The following FREM3 variants were observed in gnomAD, a reference collection of about 807,000 sequenced individuals.
FREM3 encodes FRAS1-related extracellular matrix protein 3.
Under a neutral mutation model 129.1 loss-of-function variants are expected in FREM3, and 105 were observed. The observed-to-expected ratio is 0.81, with a 90% CI of 0.69 to 0.96. The LOEUF is 0.96. FREM3 is among the 40% of genes least tolerant of loss of function. The pLI is 0.00. For synonymous variants in FREM3, 1,014 were observed against 1,044.9 expected (o/e 0.97, Z 0.57); for missense variants, 2,593 against 2,666.3 (o/e 0.97, Z 0.61).
At chr4:143,640,748 G>A (rs1739308879) in intron 2 of FREM3, among the ~76,000 whole-genome samples, 1 of 151,958 alleles carries the variant, frequency 6.6e-6, no homozygotes, top group African/African-American at 2.4e-5. Context: ...CTATAGTCAG[G>A]CTTTTAGATT....
At chr4:143,694,563 A>G (rs1740531340) in intron 1 of FREM3, among the ~76,000 whole-genome samples, 1 of 152,296 alleles carries the variant, frequency 6.6e-6, no homozygotes, top group Non-Finnish European at 1.5e-5. Context: ...AGAACCACAT[A>G]TGATTTTATT....
chr4:143,587,435 T>C (rs13130123), intron 6 of FREM3, among the ~76,000 whole-genome samples: 40,497 of 152,066 alleles, frequency 0.27, 6,880 homozygotes, highest in East Asian at 0.78. Context: ...GGTGGTAGGG[T>C]CATTCTTTCT....
chr4:143,601,408 C>T (rs1187108661), intron 6 of FREM3, among the ~76,000 whole-genome samples: 2 of 152,146 alleles, frequency 1.3e-5, no homozygotes, highest in East Asian at 3.9e-4. Flanking sequence ...ATCCTACTGC[C>T]TCAGGACAAA....
chr4:143,674,663 C>G (rs1444573098), intron 2 of FREM3, among the ~76,000 whole-genome samples: 1 of 152,168 alleles, frequency 6.6e-6, no homozygotes, highest in African/African-American at 2.4e-5. Context: ...TGTGCAGAGA[C>G]ACACATAGAC....
chr4:143,685,032 G>T (rs868272723), intron 2 of FREM3, among the ~76,000 whole-genome samples: 1 of 152,010 alleles, frequency 6.6e-6, no homozygotes, highest in African/African-American at 2.4e-5. Flanking sequence ...AAGAATAATC[G>T]GTGTTTCTTA....
At chr4:143,630,661 AT>A (rs1282323497) in intron 2 of FREM3, among the ~76,000 whole-genome samples, 1 of 152,166 alleles carries the variant, frequency 6.6e-6, no homozygotes, top group Non-Finnish European at 1.5e-5. Flanking sequence ...TAGGCACCAT[AT>A]CAATTCACTT....
At chr4:143,628,482 A>C (rs1739084453) in intron 2 of FREM3, among the ~76,000 whole-genome samples, 1 of 152,160 alleles carries the variant, frequency 6.6e-6, no homozygotes, top group Admixed American at 6.5e-5. Context: ...ATCACCCGTG[A>C]AAAGATGTTG....
At position 143,697,776 on chromosome 4, in the gene FREM3, A is replaced by G. The variant is rs775012946; in HGVS notation, c.2900T>C (p.Ile967Thr). The G allele has an allele frequency of 1.3e-5, 20 of 1,537,480 alleles. No homozygotes were observed. In the African/African-American group the frequency reaches 2.6e-4, roughly 20 times the overall value. ...IDVLENKATE[I>T]TMGVIHGKRK... ...TTTGCCATGGATGACACCCATGGTA[A>G]TTTCAGTGGCTTTATTCTCTAGTAC... Residue 967 changes from isoleucine to threonine, a missense_variant, in exon 1 of 8, where the codon ATT becomes ACT. By Grantham distance (89) the Ile-to-Thr change is moderately conservative (BLOSUM62 -1). Coordinates refer to ENST00000329798, the MANE Select transcript of FREM3 (RefSeq NM_001168235.2).
At chr4:143,662,262 G>A (rs1236758421) in intron 2 of FREM3, among the ~76,000 whole-genome samples, 1 of 152,146 alleles carries the variant, frequency 6.6e-6, no homozygotes. Flanking sequence ...TGCTTTGAAT[G>A]TGTCCCAGAG....
rs1738056207 is a variant in FREM3 at position 143,577,326 on chromosome 4, A to C, written c.*285T>G. The C allele has an allele frequency of 4.3e-6, 2 of 465,218 alleles. No homozygotes were observed. Among genetic ancestry groups the C allele is most frequent in the East Asian group, 6.3e-5 (2 of 31,538 alleles). 28.8% of individuals were successfully genotyped at this position (465,218 alleles called of 1,614,324 possible). A position where few individuals can be genotyped will look rare whatever the true frequency, so the allele number is the denominator to read the frequency against. ...ATTCTTTGATCTTAACTTTTGATTT[A>C]ATTGATCACAGTGGATTTCTTACTT... On this transcript the variant is annotated 3_prime_UTR_variant, in exon 8 of 8. Transcript: ENST00000329798.
Position 143,698,367 on chromosome 4 carries a change from G to A in FREM3, c.2309C>T (p.Thr770Ile), listed in dbSNP as rs1249984431. 3 of 1,537,942 alleles carry A rather than the reference G, an allele frequency of 2.0e-6. No homozygotes were observed. The highest frequency in any genetic ancestry group is 2.0e-5 in the Admixed American group (1 of 51,006). ...GEIVLTDSPD[T>I]LIMHFTQAQV... ...GGCTTGGGTAAAGTGCATGATGAGTGTGTCTGGTGAATCAGTGAGCACAAT... is the reference window on the plus strand; with the variant it reads ...GGCTTGGGTAAAGTGCATGATGAGTATGTCTGGTGAATCAGTGAGCACAAT... Residue 770 changes from threonine to isoleucine, a missense_variant, in exon 1 of 8, where the codon ACA (threonine) becomes ATA (isoleucine). Coordinates refer to ENST00000329798, the MANE Select transcript of FREM3 (RefSeq NM_001168235.2).
intron 7 of FREM3, 91 bp from the exon 8 acceptor site, chr4:143,577,943 G>T: frequency 7.5e-7 from 1 of 1,332,774 alleles, no homozygotes; most frequent in Non-Finnish European, 1.0e-6. Flanking sequence ...CAACTCTGCG[G>T]CATTCACCTT....
At chr4:143,668,410 AAAC>A (rs752095523) in intron 2 of FREM3, among the ~76,000 whole-genome samples, 1 of 152,238 alleles carries the variant, frequency 6.6e-6, no homozygotes, top group Non-Finnish European at 1.5e-5. Context: ...TCACTTTCTC[AAAC>A]AACTGCCAAA....
At chr4:143,640,392 C>T (rs1251725218) in intron 2 of FREM3, among the ~76,000 whole-genome samples, 2 of 152,170 alleles carry the variant, frequency 1.3e-5, no homozygotes, top group Non-Finnish European at 2.9e-5. Flanking sequence ...AATAATTCAA[C>T]CCATGTATAG....
At position 143,695,607 on chromosome 4, in the gene FREM3, G is replaced by T; in HGVS notation, c.5069C>A (p.Ala1690Glu). 5.2e-6 allele frequency: 8 copies of T among 1,537,296 alleles called. No individual in the cohort carries two copies. Among genetic ancestry groups the T allele is most frequent in the Non-Finnish European group, 7.0e-6 (8 of 1,146,942 alleles). The change falls in exon 1 of 8, where the codon GCA becomes GAA. Residue 1690 changes from alanine to glutamate, a missense_variant. Physicochemically the swap from Ala to Glu is moderately radical, Grantham distance 107 (BLOSUM62 -1). Around this residue, in one of 2 missense-constraint regions of FREM3, gnomAD observed 2,276 missense variants for 2,267.2 expected, o/e 1.00. Coordinates refer to ENST00000329798, the MANE Select transcript of FREM3 (RefSeq NM_001168235.2). ...GFLITSKSLK[A>E]EDQDSPHRLL... ...CCTGTGGGGACTGTCCTGATCTTCT[G>T]CCTTCAGAGACTTGCTGGTAATCAG...
chr4:143,657,862 C>T (rs941393670), intron 2 of FREM3, among the ~76,000 whole-genome samples: 54 of 152,272 alleles, frequency 3.5e-4, no homozygotes, highest in African/African-American at 1.3e-3. Context: ...TCATTATTCT[C>T]TGCCACCATG....
chr4:143,695,852 G>A lies in FREM3; in HGVS notation c.4824C>T (p.Tyr1608=). 1 of 1,537,474 alleles carries A rather than the reference G, an allele frequency of 6.5e-7. No homozygotes were observed. Among genetic ancestry groups the A allele is most frequent in the Non-Finnish European group, 8.7e-7 (1 of 1,146,972 alleles). ...CAGTGGTCTCACTGCCGTCATGCTT[G>A]TAGCTAATCAGGTTCTTGTTCAGGT... ...KQDLNKNLIS[Y]KHDGSETTED... The change falls in exon 1 of 8, where the codon TAC becomes TAT. Residue 1608 remains tyrosine (Y), a synonymous_variant. Transcript: ENST00000329798.
chr4:143,590,034 T>C (rs1222181657), intron 6 of FREM3, among the ~76,000 whole-genome samples: 1 of 152,094 alleles, frequency 6.6e-6, no homozygotes, highest in Non-Finnish European at 1.5e-5. Context: ...ATGATTTGGC[T>C]CTCTGTCTGT....
At chr4:143,582,968 C>T (rs901979382) in intron 7 of FREM3, among the ~76,000 whole-genome samples, 1 of 150,960 alleles carries the variant, frequency 6.6e-6, no homozygotes, top group Non-Finnish European at 1.5e-5. Context: ...ACAGCCTCAA[C>T]CTCCTGGGCT....
Sources: gnomAD v4.1 joint callset for allele counts (sites outside exome capture counted in the v4.1 genomes callset) on GRCh38, gnomAD v4.1.1 for gene constraint, gnomAD v4.1.1 regional missense constraint, MANE v1.5 for transcripts, NCBI Gene and HGNC (gene_info 2026-07-23, HGNC 2026-07-21) for gene names.